The following RSPH6A variants were observed in gnomAD, a reference collection of about 807,000 sequenced individuals.
RSPH6A encodes radial spoke head protein 6 homolog A.
Under a neutral mutation model 66.1 loss-of-function variants are expected in RSPH6A, and 49 were observed. The ratio of observed to expected loss-of-function variants is 0.74; its 90% CI spans 0.59 to 0.94. The LOEUF (loss-of-function observed/expected upper bound fraction) is 0.94. Ranked by LOEUF, RSPH6A falls within the 40% of genes least tolerant of loss-of-function variation. The pLI is 0.00. For missense variants in RSPH6A, 977 were observed against 948.3 expected (o/e 1.03, Z -0.40); for synonymous variants, 419 against 402.4 (o/e 1.04, Z -0.49).
In RSPH6A at chr19:45,814,775, C is replaced by A. The variant is rs779389629; in HGVS notation, c.402G>T (p.Leu134=). ...CTGGGGGCTCCTGGAAGGTGGGGTC[C>A]AGTTGCTGGAACAGGCTGCTTTGGC... ...QQGQSSLFQQ[L]DPTFQEPPVN... is the part of the protein sequence containing the mutation. The change falls in exon 1 of 6, where the codon CTG becomes CTT. Residue 134 remains leucine (L), a synonymous_variant. Coordinates refer to ENST00000221538, the MANE Select transcript of RSPH6A (RefSeq NM_030785.4). The A allele has an allele frequency of 6.2e-6, 10 of 1,613,782 alleles. No individual in the cohort carries two copies. Among genetic ancestry groups the A allele is most frequent in the Non-Finnish European group, 4.2e-6 (5 of 1,179,832 alleles).
At chr19:45,814,414 C>T (rs1970672411) in intron 1 of RSPH6A, 113 bp downstream of exon 1, 1 of 966,340 alleles carries the variant, frequency 1.0e-6, no homozygotes, top group African/African-American at 1.7e-5. Context: ...GAATTAGAGT[C>T]ACTGGTTTTC....
chr19:45,798,422 C>A (rs1302383799), intron 5 of RSPH6A, among the ~76,000 whole-genome samples: 3 of 151,524 alleles, frequency 2.0e-5, no homozygotes, highest in Non-Finnish European at 1.5e-5. Flanking sequence ...CGTCTGTAAT[C>A]CTAGTATGTT....
Position 45,815,071 on chromosome 19 carries a change from G to C in RSPH6A, c.106C>G (p.Leu36Val), listed in dbSNP as rs151334205. The C allele has an allele frequency of 1.5e-4, 241 of 1,613,394 alleles. No homozygotes were observed. The highest frequency in any genetic ancestry group is 1.9e-4 in the Non-Finnish European group (228 of 1,180,052). ...TGCCTCTCCTCGGGGTCCGCTGCCA[G>C]GGCCTGAGCTTGGTCCCGACTGTGC... Reference protein sequence around the residue: ...RRHSRDQAQALAADPEERQQI... With the variant: ...RRHSRDQAQAVAADPEERQQI... The change falls in exon 1 of 6, where the codon CTG (leucine) becomes GTG (valine). Residue 36 changes from leucine to valine, a missense_variant. Leu to Val is a conservative substitution (Grantham distance 32). Transcript: ENST00000221538.
chr19:45,802,599 C>T (rs1372189019), intron 3 of RSPH6A, among the ~76,000 whole-genome samples: 7 of 149,982 alleles, frequency 4.7e-5, no homozygotes, highest in Non-Finnish European at 5.9e-5. Context: ...CTCTGCCTCC[C>T]GGTTTAAGTG....
intron 2 of RSPH6A, among the ~76,000 whole-genome samples, chr19:45,806,990 T>C (rs553289975): frequency 2.0e-5 from 3 of 149,376 alleles, no homozygotes; most frequent in South Asian, 4.3e-4. Context: ...CACTCCTGGG[T>C]TCAAGCCATT....
At position 45,799,537 on chromosome 19, in the gene RSPH6A, A is replaced by C. The variant is rs1352665301; in HGVS notation, c.1916+909T>G. The stretch of plus-strand genomic sequence containing the variant: ...GCCATCATGCCGGGCTGATTTTAAA[A>C]ATTTTTTTAATTTTTTTTTTTGTAC... On this transcript the variant is annotated intron_variant, in intron 5 of 5. Transcript: ENST00000221538. 2.6e-5 allele frequency among the ~76,000 whole-genome samples: 4 copies of C among 151,706 alleles called. 1 individual carries two copies. In the South Asian group the frequency reaches 6.2e-4, roughly 24 times the overall value.
intron 2 of RSPH6A, among the ~76,000 whole-genome samples, chr19:45,808,421 C>T (rs570567876): frequency 2.2e-4 from 33 of 150,834 alleles, no homozygotes; most frequent in Admixed American, 1.7e-3. Flanking sequence ...AGCAAGACTC[C>T]GTCTCAAAAA....
At position 45,804,198 on chromosome 19, in the gene RSPH6A, T is replaced by C. The variant is rs761971266; in HGVS notation, c.1653+54A>G. ...GCTTGATGTCAGTATTGCAGGGTCA[T>C]GCGTGAGCCCCCTGCTCCTGCCGTT... On this transcript the variant is annotated intron_variant, in intron 3 of 5. Coordinates refer to ENST00000221538, the MANE Select transcript of RSPH6A (RefSeq NM_030785.4). The surrounding 1 kb of genome is among the most constrained non-coding windows in gnomAD (Gnocchi z 5.8). The C allele has an allele frequency of 7.0e-6, 10 of 1,436,362 alleles. No individual in the cohort carries two copies. The highest frequency in any genetic ancestry group is 2.1e-4 in the Middle Eastern group (1 of 4,714). 89.0% of individuals were successfully genotyped at this position (1,436,362 alleles called of 1,614,324 possible).
chr19:45,805,115 G>T, intron 2 of RSPH6A, 99 bp from the exon 3 acceptor site: 1 of 1,086,906 alleles, frequency 9.2e-7, no homozygotes, highest in Non-Finnish European at 1.3e-6. Context: ...AGCTAAAAGA[G>T]GCCGGGTGCA....
intron 2 of RSPH6A, among the ~76,000 whole-genome samples, chr19:45,805,787 C>G (rs1416866100): frequency 6.6e-6 from 1 of 151,976 alleles, no homozygotes; most frequent in Non-Finnish European, 1.5e-5. Context: ...GTAGGGAAAG[C>G]CCTTGGACAG....
chr19:45,798,295 G>A (rs1970429928), intron 5 of RSPH6A, among the ~76,000 whole-genome samples: 2 of 151,874 alleles, frequency 1.3e-5, no homozygotes, highest in South Asian at 4.2e-4. Context: ...GGAGGCGGAG[G>A]ATGCAGTGAG....
chr19:45,815,090 A>G lies in RSPH6A; in HGVS notation c.87T>C (p.Ser29=), dbSNP rs1395321340. The change falls in exon 1 of 6, where the codon AGT becomes AGC. Residue 29 remains serine, a synonymous_variant. Coordinates refer to ENST00000221538, the MANE Select transcript of RSPH6A (RefSeq NM_030785.4). ...RTSQASQRRH[S]RDQAQALAAD... ...CTGCCAGGGCCTGAGCTTGGTCCCGACTGTGCCGCCTCTGGGAGGCCTGAG... is the reference window on the plus strand; with the variant it reads ...CTGCCAGGGCCTGAGCTTGGTCCCGGCTGTGCCGCCTCTGGGAGGCCTGAG... The G allele has an allele frequency of 1.4e-5, 23 of 1,613,020 alleles. No homozygotes were observed. Among genetic ancestry groups the G allele is most frequent in the Non-Finnish European group, 1.9e-5 (22 of 1,180,014 alleles).
At chr19:45,811,357 G>C (rs1970625639) in intron 1 of RSPH6A, among the ~76,000 whole-genome samples, 1 of 152,056 alleles carries the variant, frequency 6.6e-6, no homozygotes, top group Admixed American at 6.6e-5. Context: ...GTCAGGCATG[G>C]GGTGGTAATT....
At chr19:45,807,927 G>A (rs958723164) in intron 2 of RSPH6A, among the ~76,000 whole-genome samples, 13 of 152,164 alleles carry the variant, frequency 8.5e-5, no homozygotes, top group East Asian at 1.9e-4. Flanking sequence ...CTTCACTGCA[G>A]AGCCACCTTG....
intron 1 of RSPH6A, among the ~76,000 whole-genome samples, chr19:45,811,732 G>A (rs1970630457): frequency 2.2e-5 from 3 of 135,942 alleles, no homozygotes; most frequent in African/African-American, 8.2e-5. Flanking sequence ...CACCGCACCT[G>A]GCCAACATTT....
intron 5 of RSPH6A, among the ~76,000 whole-genome samples, chr19:45,797,590 C>A (rs8107744): frequency 0.86 from 131,281 of 151,990 alleles, 56,984 homozygotes; most frequent in African/African-American, 0.95. Context: ...CTAGACAAAA[C>A]TCCCTGCCAG....
intron 5 of RSPH6A, among the ~76,000 whole-genome samples, chr19:45,798,919 C>A (rs1372240056): frequency 6.9e-6 from 1 of 145,434 alleles, no homozygotes; most frequent in Non-Finnish European, 1.5e-5. Context: ...GACAGAAGAG[C>A]GTTGGGTGGG....
intron 3 of RSPH6A, 94 bp from the exon 4 acceptor site, chr19:45,802,358 GTCCT>G: frequency 3.4e-6 from 4 of 1,167,796 alleles, no homozygotes; most frequent in Non-Finnish European, 4.4e-6. Flanking sequence ...GCATAGCCTT[GTCCT>G]CAGAGACCCA....
chr19:45,799,450 C>A (rs893195060), intron 5 of RSPH6A, among the ~76,000 whole-genome samples: 1 of 152,240 alleles, frequency 6.6e-6, no homozygotes, highest in African/African-American at 2.4e-5. Context: ...CAACCTCGAT[C>A]TCCTGGGCTC....
Sources: gnomAD v4.1 joint callset for allele counts (sites outside exome capture counted in the v4.1 genomes callset) on GRCh38, gnomAD v4.1.1 for gene constraint, Gnocchi (gnomAD v3.1) non-coding constraint, MANE v1.5 for transcripts, NCBI Gene and HGNC (gene_info 2026-07-23, HGNC 2026-07-21) for gene names.